ARPP21: variants seen among roughly 807,000 people sequenced by gnomAD.
The protein encoded by ARPP21 is cAMP regulated phosphoprotein 21, also known as cAMP-regulated phosphoprotein 21.
Under a neutral mutation model 113.2 loss-of-function variants are expected in ARPP21, and 69 were observed. The observed-to-expected ratio is 0.61, with a 90% CI of 0.50 to 0.74. The LOEUF (loss-of-function observed/expected upper bound fraction) is 0.74, where lower values mean the gene tolerates loss of function less well. Among genes scored for constraint, ARPP21 ranks in the 30% least tolerant of loss-of-function variants. ARPP21 has a pLI of 0.00. For synonymous variants in ARPP21, 368 were observed against 375.5 expected, an observed-to-expected ratio of 0.98 and a Z score of 0.23; for missense variants, 1,070 against 1,037.4, an observed-to-expected ratio of 1.03 and a Z score of -0.43.
In ARPP21 at chr3:35,681,780, C is replaced by A. The variant is rs1317446617; in HGVS notation, c.29C>A (p.Ala10Glu). The stretch of plus-strand genomic sequence containing the variant: ...TCTGAGCAAGGAGACCTGAATCAGG[C>A]AATAGCAGAGGAAGGAGGGACTGAG... MSEQGDLNQ[A>E]IAEEGGTEQE... Residue 10 changes from alanine to glutamate, a missense_variant, in exon 3 of 21, where the codon GCA (alanine) becomes GAA (glutamate). By Grantham distance (107) the Ala-to-Glu change is moderately radical (BLOSUM62 -1). Transcript: ENST00000684406. 4.3e-6 allele frequency: 7 copies of A among 1,611,274 alleles called. No individual in the cohort carries two copies. Among genetic ancestry groups the A allele is most frequent in the Admixed American group, 1.7e-5 (1 of 59,832 alleles).
intron 1 of ARPP21, among the ~76,000 whole-genome samples, chr3:35,644,400 T>A (rs2148874135): frequency 6.6e-6 from 1 of 152,062 alleles, no homozygotes; most frequent in South Asian, 2.1e-4. Flanking sequence ...TATGAAGTAT[T>A]TAAATTATAT....
chr3:35,701,249 C>T (rs2086260485), intron 9 of ARPP21, among the ~76,000 whole-genome samples: 1 of 151,630 alleles, frequency 6.6e-6, no homozygotes, highest in Non-Finnish European at 1.5e-5. Context: ...ATGTTATCCT[C>T]ATATTTTAGA....
chr3:35,773,079 G>C (rs2096254722), intron 19 of ARPP21, among the ~76,000 whole-genome samples: 1 of 152,110 alleles, frequency 6.6e-6, no homozygotes, highest in Non-Finnish European at 1.5e-5. Flanking sequence ...GACTCAAGCA[G>C]GGTCTTGAAA....
At chr3:35,752,938 A>T (rs2095449091) in intron 19 of ARPP21, among the ~76,000 whole-genome samples, 1 of 152,002 alleles carries the variant, frequency 6.6e-6, no homozygotes, top group South Asian at 2.1e-4. Context: ...TACAAATCCA[A>T]ATTTTAAGAA....
At chr3:35,639,115 G>A (rs973620249), upstream of ARPP21, 3 of 152,380 alleles carry the variant, frequency 2.0e-5, no homozygotes, top group Non-Finnish European at 2.9e-5. This position sits in a 1 kb window ranked among gnomAD's most constrained non-coding sequence, Gnocchi z 5.0. Flanking sequence ...GGCGGGGCAG[G>A]GGGCAACGTG....
chr3:35,653,600 G>T (rs952352219), intron 1 of ARPP21, among the ~76,000 whole-genome samples: 6 of 152,068 alleles, frequency 3.9e-5, no homozygotes, highest in Non-Finnish European at 8.8e-5. Context: ...GGTGTCATAG[G>T]AAGGGGGTAG....
At position 35,737,307 on chromosome 3, in the gene ARPP21, C is replaced by T. The variant is rs758372348; in HGVS notation, c.1589C>T (p.Pro530Leu). Residue 530 changes from proline to leucine, a missense_variant, in exon 16 of 21, where the codon CCC (proline) becomes CTC (leucine). Pro to Leu is a moderately conservative substitution (Grantham distance 98, BLOSUM62 -3). Transcript: ENST00000684406. ...QPPQQQPSPQPQQQVQPPQPQ... is the reference protein window; with the variant it reads ...QPPQQQPSPQLQQQVQPPQPQ... ...CCACAGCAGCAGCCCTCCCCGCAGC[C>T]CCAACAGCAGGTCCAGCCACCGCAG... 1 of 1,613,054 alleles carries T rather than the reference C, an allele frequency of 6.2e-7. No homozygotes were observed. The highest frequency in any genetic ancestry group is 1.1e-5 in the South Asian group (1 of 90,840).
chr3:35,772,252 C>A (rs1191606489), intron 19 of ARPP21, among the ~76,000 whole-genome samples: 1 of 152,078 alleles, frequency 6.6e-6, no homozygotes, highest in African/African-American at 2.4e-5. Flanking sequence ...ACTTAAATGG[C>A]AAACATCTTC....
intron 8 of ARPP21, among the ~76,000 whole-genome samples, 172 bp downstream of exon 8, chr3:35,690,312 T>C (rs570207654): frequency 1.3e-5 from 2 of 151,630 alleles, no homozygotes; most frequent in South Asian, 4.1e-4. Context: ...ATGAGAATTG[T>C]TGCTTGGACC....
At chr3:35,674,687 A>G (rs1376828770) in intron 1 of ARPP21, among the ~76,000 whole-genome samples, 2 of 152,028 alleles carry the variant, frequency 1.3e-5, no homozygotes, top group East Asian at 3.9e-4. Flanking sequence ...TCTGATAGCT[A>G]TGAAAAATGG....
intron 1 of ARPP21, among the ~76,000 whole-genome samples, chr3:35,649,061 C>T (rs1041561904): frequency 6.6e-6 from 1 of 152,170 alleles, no homozygotes; most frequent in African/African-American, 2.4e-5. Flanking sequence ...TTTCCCAGTC[C>T]ATTTTTCATT....
chr3:35,728,865 A>G (rs1313153061), intron 14 of ARPP21, among the ~76,000 whole-genome samples: 1 of 152,146 alleles, frequency 6.6e-6, no homozygotes, highest in Non-Finnish European at 1.5e-5. Context: ...TGAACTTCAC[A>G]TCATAGGGCT....
chr3:35,710,952 C>T (rs1267195231), intron 11 of ARPP21, among the ~76,000 whole-genome samples: 1 of 152,190 alleles, frequency 6.6e-6, no homozygotes, highest in Non-Finnish European at 1.5e-5. Flanking sequence ...AGCATCTATG[C>T]CCACATGCTG....
intron 9 of ARPP21, among the ~76,000 whole-genome samples, chr3:35,694,308 C>T (rs1442728715): frequency 6.6e-6 from 1 of 151,520 alleles, no homozygotes; most frequent in Non-Finnish European, 1.5e-5. Flanking sequence ...TATAATCTAT[C>T]TGCTCTTTTA....
rs1697547856 is a variant in ARPP21 at position 35,639,988 on chromosome 3, CAGAAG to C, written c.-620_-616del. On this transcript the variant is annotated 5_prime_UTR_variant, in exon 1 of 21. Coordinates refer to ENST00000684406, the MANE Select transcript of ARPP21 (RefSeq NM_001385562.1). This position sits in a 1 kb window ranked among gnomAD's most constrained non-coding sequence, Gnocchi z 5.0. ...TCGGACTGACAGACGTGCAGACGGA[CAGAAG>C]AGCAGACAGGAGGCGGGGGCGCGTT... 2 of 152,278 alleles carry C rather than the reference CAGAAG, an allele frequency of 1.3e-5. No individual in the cohort carries two copies. Among genetic ancestry groups the C allele is most frequent in the African/African-American group, 4.8e-5 (2 of 41,442 alleles). 9.4% of individuals were successfully genotyped at this position (152,278 alleles called of 1,614,324 possible). A position where few individuals can be genotyped will look rare whatever the true frequency, so the allele number is the denominator to read the frequency against.
At chr3:35,769,886 T>C (rs1265079865) in intron 19 of ARPP21, among the ~76,000 whole-genome samples, 1 of 152,078 alleles carries the variant, frequency 6.6e-6, no homozygotes, top group Admixed American at 6.6e-5. Flanking sequence ...TATGGTGGTT[T>C]GGCTTGAAAA....
chr3:35,723,900 A>G (rs555095068), intron 14 of ARPP21, among the ~76,000 whole-genome samples: 2 of 152,334 alleles, frequency 1.3e-5, no homozygotes, highest in South Asian at 4.1e-4. Flanking sequence ...TAGGATGTCA[A>G]AACAAACTTA....
At chr3:35,774,102 T>C (rs1376137588) in intron 19 of ARPP21, among the ~76,000 whole-genome samples, 2 of 152,174 alleles carry the variant, frequency 1.3e-5, no homozygotes. Flanking sequence ...AAAATGTGCT[T>C]ACTGACTTGA....
intron 5 of ARPP21, among the ~76,000 whole-genome samples, 199 bp from the exon 6 acceptor site, chr3:35,687,540 A>G (rs1391708417): frequency 2.0e-5 from 3 of 151,362 alleles, no homozygotes; most frequent in African/African-American, 7.3e-5. Flanking sequence ...GATGTTCCTT[A>G]TGACCTCCCA....
Sources: gnomAD v4.1 joint callset for allele counts (sites outside exome capture counted in the v4.1 genomes callset) on GRCh38, gnomAD v4.1.1 for gene constraint, Gnocchi (gnomAD v3.1) non-coding constraint, MANE v1.5 for transcripts, NCBI Gene and HGNC (gene_info 2026-07-23, HGNC 2026-07-21) for gene names.